The following SYT6 variants were observed in gnomAD, a reference collection of about 807,000 sequenced individuals.
The protein encoded by SYT6 is synaptotagmin-6.
In SYT6, 24 loss-of-function variants were observed where a neutral mutation model predicts 38.4. That is an observed-to-expected ratio of 0.62 (90% CI 0.45 to 0.88). The LOEUF is 0.88. SYT6 is among the 40% of genes least tolerant of loss of function. SYT6 has a pLI of 0.00. For synonymous variants in SYT6, 265 were observed against 241.9 expected, an observed-to-expected ratio of 1.10 and a Z score of -0.89; for missense variants, 611 against 621.0, an observed-to-expected ratio of 0.98 and a Z score of 0.17.
chr1:114,107,410 C>A (rs1676392047), intron 3 of SYT6, among the ~76,000 whole-genome samples: 2 of 152,332 alleles, frequency 1.3e-5, no homozygotes, highest in Middle Eastern at 3.4e-3. Flanking sequence ...CAAAAATGAA[C>A]TGCACCCTCC....
At chr1:114,122,481 TTGTGTGTGTG>T (rs142500087) in intron 3 of SYT6, among the ~76,000 whole-genome samples, 4 of 148,278 alleles carry the variant, frequency 2.7e-5, no homozygotes, top group Admixed American at 6.7e-5. Flanking sequence ...GCATGTACAT[TTGTGTGTGTG>T]TGTGTGTGTG....
Position 114,138,048 on chromosome 1 carries a change from G to T in SYT6, c.518C>A (p.Thr173Lys). 2 of 1,613,196 alleles carry T rather than the reference G, an allele frequency of 1.2e-6. No homozygotes were observed. Among genetic ancestry groups the T allele is most frequent in the South Asian group, 1.1e-5 (1 of 90,980 alleles). ...TTEPASSTRH[T>K]SFKRHLPRQM... is the part of the protein sequence containing the mutation. ...CCTTGGCAGGTGGCGCTTGAAGGAC[G>T]TGTGCCTGGTAGAGGGCAGGAGGGG... The change falls in exon 3 of 8, where the codon ACG (threonine) becomes AAG (lysine). Residue 173 changes from threonine to lysine, a missense_variant. Physicochemically the swap from Thr to Lys is moderately conservative, Grantham distance 78 (BLOSUM62 -1). Coordinates refer to ENST00000610222, the MANE Select transcript of SYT6 (RefSeq NM_001253772.2).
At chr1:114,093,687 A>G in intron 7 of SYT6, 48 bp downstream of exon 7, 12 of 1,566,902 alleles carry the variant, frequency 7.7e-6, no homozygotes, top group Non-Finnish European at 1.0e-5. Context: ...GAAGGAGACA[A>G]AAGGTAATAA....
At chr1:114,139,568 G>C (rs768179294) in intron 2 of SYT6, 47 bp downstream of exon 2, 12 of 1,610,584 alleles carry the variant, frequency 7.5e-6, no homozygotes, top group South Asian at 6.6e-5. Context: ...TGTATTAAGG[G>C]AGTGTGGAGG....
chr1:114,123,797 G>A (rs551910194), intron 3 of SYT6, among the ~76,000 whole-genome samples: 44 of 152,316 alleles, frequency 2.9e-4, no homozygotes, highest in Non-Finnish European at 5.9e-4. Context: ...AATAACCACA[G>A]ACAAAGCAAA....
At chr1:114,119,357 A>G (rs1401999783) in intron 3 of SYT6, among the ~76,000 whole-genome samples, 2 of 152,200 alleles carry the variant, frequency 1.3e-5, no homozygotes, top group East Asian at 1.9e-4. Context: ...GCTCCAGGGC[A>G]CATGGACAGT....
rs1675271362 is a variant in SYT6, at chr1:114,090,978, G to C, written c.*1156C>G. Reference sequence around the variant, plus strand: ...AGTTTAAGATGAATATTGTCAAAGAGCCAAAGGGGCTGAAATAGGCTTACG... The same window carrying C: ...AGTTTAAGATGAATATTGTCAAAGACCCAAAGGGGCTGAAATAGGCTTACG... On this transcript the variant is annotated 3_prime_UTR_variant, in exon 8 of 8. Transcript: ENST00000610222. The C allele has an allele frequency of 6.5e-6, 1 of 152,942 alleles. No homozygotes were observed. The highest frequency in any genetic ancestry group is 1.5e-5 in the Non-Finnish European group (1 of 68,040). 9.5% of individuals were successfully genotyped at this position (152,942 alleles called of 1,614,324 possible). A position where few individuals can be genotyped will look rare whatever the true frequency, so the allele number is the denominator to read the frequency against.
At chr1:114,113,726 C>G (rs542347097) in intron 3 of SYT6, among the ~76,000 whole-genome samples, 5 of 152,236 alleles carry the variant, frequency 3.3e-5, no homozygotes, top group Admixed American at 2.0e-4. Flanking sequence ...CAAAGCCTAC[C>G]CCCCTGCCAG....
At chr1:114,135,719 A>G (rs1557761139) in intron 3 of SYT6, among the ~76,000 whole-genome samples, 2 of 152,156 alleles carry the variant, frequency 1.3e-5, no homozygotes, top group Non-Finnish European at 1.5e-5. Flanking sequence ...GGAGCCAAAG[A>G]CACCAGATGG....
chr1:114,111,846 G>C (rs1027130825), intron 3 of SYT6, among the ~76,000 whole-genome samples: 1 of 149,752 alleles, frequency 6.7e-6, no homozygotes, highest in African/African-American at 2.4e-5. Context: ...CTGGGAGAGA[G>C]GAGCTGTGGG....
chr1:114,148,027 G>A (rs1423157439), intron 1 of SYT6, among the ~76,000 whole-genome samples: 1 of 152,214 alleles, frequency 6.6e-6, no homozygotes. Context: ...CTCCTGGGAA[G>A]TTGAGATCCC....
Position 114,139,671 on chromosome 1 carries a change from G to C in SYT6, c.456C>G (p.His152Gln), listed in dbSNP as rs761957579. The C allele has an allele frequency of 6.2e-7, 1 of 1,614,096 alleles. No individual in the cohort carries two copies. The highest frequency in any genetic ancestry group is 1.7e-5 in the Admixed American group (1 of 60,018). The part of the protein sequence containing the change: ...PAEVQMSVKE[H>Q]IMRHTRLQRQ... ...GCTGCAGCCGGGTGTGACGCATGAT[G>C]TGCTCCTTGACCGACATCTGCACCT... Residue 152 changes from histidine to glutamine, a missense_variant, in exon 2 of 8, where the codon CAC becomes CAG. Physicochemically the swap from His to Gln is conservative, Grantham distance 24. Transcript: ENST00000610222.
chr1:114,097,451 G>C (rs1332518467), intron 6 of SYT6, among the ~76,000 whole-genome samples: 1 of 152,210 alleles, frequency 6.6e-6, no homozygotes, highest in Non-Finnish European at 1.5e-5. Flanking sequence ...TTTCAGACCT[G>C]GCACAGTGGT....
intron 3 of SYT6, among the ~76,000 whole-genome samples, chr1:114,120,543 A>G (rs1237703766): frequency 2.0e-5 from 3 of 152,180 alleles, no homozygotes; most frequent in East Asian, 3.8e-4. Context: ...ATGTCCTATG[A>G]GCTAGCTAAA....
At chr1:114,142,880 T>C (rs1349926443) in intron 1 of SYT6, among the ~76,000 whole-genome samples, 1 of 152,150 alleles carries the variant, frequency 6.6e-6, no homozygotes, top group Non-Finnish European at 1.5e-5. Flanking sequence ...TATATATTGT[T>C]TTTGGGTGTA....
chr1:114,138,526 C>A (rs935769624), intron 2 of SYT6, among the ~76,000 whole-genome samples: 1 of 152,176 alleles, frequency 6.6e-6, no homozygotes, highest in African/African-American at 2.4e-5. Flanking sequence ...AAAGCATGGG[C>A]TTTGGAGTTA....
chr1:114,092,661 T>A (rs932339028), intron 7 of SYT6, among the ~76,000 whole-genome samples: 1 of 152,058 alleles, frequency 6.6e-6, no homozygotes, highest in Non-Finnish European at 1.5e-5. Context: ...CTGCAACCCC[T>A]TTCTCCTCCC....
intron 3 of SYT6, among the ~76,000 whole-genome samples, chr1:114,117,919 C>T (rs1677094455): frequency 6.6e-6 from 1 of 152,218 alleles, no homozygotes; most frequent in South Asian, 2.1e-4. Context: ...AGTGTATGCA[C>T]TGAAGACGCC....
At position 114,097,896 on chromosome 1, in the gene SYT6, T is replaced by C; in HGVS notation, c.1365-19A>G. 6.2e-7 allele frequency: 1 copy of C among 1,613,240 alleles called. No homozygotes were observed. The highest frequency in any genetic ancestry group is 8.5e-7 in the Non-Finnish European group (1 of 1,179,392). On this transcript the variant is annotated intron_variant, in intron 5 of 7. Coordinates refer to ENST00000610222, the MANE Select transcript of SYT6 (RefSeq NM_001253772.2). ...GCCCACTCTGAGGGAGAAACAAAAG[T>C]CCCAGCACTGGCTACCAGACATGCC...
Sources: allele counts gnomAD v4.1 joint callset (sites outside exome capture counted in the v4.1 genomes callset), GRCh38; gene constraint gnomAD v4.1.1; transcripts MANE v1.5; gene names NCBI Gene and HGNC (gene_info 2026-07-23, HGNC 2026-07-21).